Variants in NUCB2 observed in about 807,000 individuals in gnomAD.
NUCB2 encodes nucleobindin-2.
Under a neutral mutation model 57.9 loss-of-function variants are expected in NUCB2, and 48 were observed. The ratio of observed to expected loss-of-function variants is 0.83; its 90% CI spans 0.66 to 1.05. The LOEUF (loss-of-function observed/expected upper bound fraction) is 1.05, where lower values mean the gene tolerates loss of function less well. Ranked by LOEUF, NUCB2 falls within the 50% of genes least tolerant of loss-of-function variation. The probability of loss-of-function intolerance (pLI) is 0.00; values close to 1 mark genes in which losing one functional copy is unlikely to be tolerated. For synonymous variants in NUCB2, 139 were observed against 152.1 expected, an observed-to-expected ratio of 0.91 and a Z score of 0.64; for missense variants, 442 against 476.2, an observed-to-expected ratio of 0.93 and a Z score of 0.67.
intron 2 of NUCB2, among the ~76,000 whole-genome samples, chr11:17,293,298 T>TAC (rs1016822701): frequency 2.7e-5 from 4 of 148,000 alleles, no homozygotes; most frequent in East Asian, 2.0e-4. Flanking sequence ...TGTTAGGACA[T>TAC]ACACACACAC....
chr11:17,287,405 C>G (rs1056171524), intron 2 of NUCB2, among the ~76,000 whole-genome samples: 2 of 152,004 alleles, frequency 1.3e-5, no homozygotes, highest in Non-Finnish European at 2.9e-5. Flanking sequence ...GGCGTGGTGG[C>G]TCACACCTGT....
At chr11:17,285,014 AATAC>A (rs10566571) in intron 2 of NUCB2, among the ~76,000 whole-genome samples, 77,117 of 151,152 alleles carry the variant, frequency 0.51, 20,396 homozygotes, top group East Asian at 0.8. Context: ...ACAAAGTCTC[AATAC>A]ATACATACAT....
chr11:17,281,657 C>T (rs1409394992), intron 1 of NUCB2, among the ~76,000 whole-genome samples: 1 of 152,078 alleles, frequency 6.6e-6, no homozygotes, highest in East Asian at 1.9e-4. Context: ...AAGTAGCTTG[C>T]GAGTAAATGG....
intron 11 of NUCB2, among the ~76,000 whole-genome samples, chr11:17,324,994 G>C (rs536005388): frequency 6.6e-6 from 1 of 152,122 alleles, no homozygotes; most frequent in East Asian, 1.9e-4. Context: ...AGTAGAGATG[G>C]GGTTTACCAT....
chr11:17,297,104 G>A (rs914918943), intron 4 of NUCB2, among the ~76,000 whole-genome samples: 3 of 152,112 alleles, frequency 2.0e-5, no homozygotes, highest in Non-Finnish European at 4.4e-5. Flanking sequence ...AAATGAATCA[G>A]TTTAGCTGGG....
At chr11:17,299,262 C>T (rs1946322736) in intron 4 of NUCB2, among the ~76,000 whole-genome samples, 1 of 152,026 alleles carries the variant, frequency 6.6e-6, no homozygotes. Flanking sequence ...TGTTTCCTAC[C>T]TTCGGGGTGT....
rs1211348753 is a variant in NUCB2 at position 17,332,039 on chromosome 11, TATAAC to T, written c.*622_*626del. On this transcript the variant is annotated 3_prime_UTR_variant, in exon 14 of 14. Coordinates refer to ENST00000529010, the MANE Select transcript of NUCB2 (RefSeq NM_005013.4). ...TCATTTAAGATTAGGTTATGTTACA[TATAAC>T]AGAAAAAACAAAGATAACAGTGGTT... 1 of 152,124 alleles carries T rather than the reference TATAAC, an allele frequency of 6.6e-6. No individual in the cohort carries two copies. The allele number at this position is 152,124 out of a possible 1,614,324, so 9.4% of individuals were successfully genotyped here. A position where few individuals can be genotyped will look rare whatever the true frequency, so the allele number is the denominator to read the frequency against.
chr11:17,324,185 A>G (rs1224913217), intron 11 of NUCB2, among the ~76,000 whole-genome samples: 1 of 152,096 alleles, frequency 6.6e-6, no homozygotes, highest in Non-Finnish European at 1.5e-5. Context: ...ATAGACAGTT[A>G]TAACTATAAT....
At chr11:17,288,950 C>CACACACACACACACAT (rs1944414979) in intron 2 of NUCB2, among the ~76,000 whole-genome samples, 3 of 33,162 alleles carry the variant, frequency 9.0e-5, no homozygotes, top group Non-Finnish European at 1.4e-4. Context: ...CACACACACA[C>CACACACACACACACAT]ATATATATAT....
intron 2 of NUCB2, among the ~76,000 whole-genome samples, chr11:17,347,459 T>G (rs574625317): frequency 6.6e-6 from 1 of 152,360 alleles, no homozygotes; most frequent in East Asian, 1.9e-4. Context: ...TCCAATTCTT[T>G]GTTTGACTGA....
chr11:17,312,073 G>A lies in NUCB2; in HGVS notation c.865G>A (p.Glu289Lys). Residue 289 changes from glutamate (E) to lysine (K), a missense_variant, in exon 10 of 14, where the codon GAA becomes AAA. By Grantham distance (56) the Glu-to-Lys change is moderately conservative. Transcript: ENST00000529010. The part of the protein sequence containing the change: ...DPKNEEDDMV[E>K]MEEERLRMRE... ...TAAAAATGAAGAGGATGATATGGTA[G>A]AAATGGAAGAAGAAAGGCTTAGAAT... 1.9e-6 allele frequency: 3 copies of A among 1,591,118 alleles called. No individual in the cohort carries two copies. In the South Asian group the frequency reaches 3.4e-5, roughly 18 times the overall value.
At chr11:17,277,729 A>T (rs1477604277) in intron 1 of NUCB2, among the ~76,000 whole-genome samples, 1 of 152,218 alleles carries the variant, frequency 6.6e-6, no homozygotes, top group Non-Finnish European at 1.5e-5. Flanking sequence ...TGGTTTAAAA[A>T]TAGGGGAGGT....
At chr11:17,316,016 A>G (rs965305416) in intron 11 of NUCB2, among the ~76,000 whole-genome samples, 33 of 152,180 alleles carry the variant, frequency 2.2e-4, no homozygotes, top group Non-Finnish European at 4.3e-4. Context: ...TCTGTTGCCC[A>G]GGCTGGAGTG....
chr11:17,297,680 C>T (rs1369103894), intron 4 of NUCB2, among the ~76,000 whole-genome samples: 3 of 152,122 alleles, frequency 2.0e-5, no homozygotes, highest in Non-Finnish European at 2.9e-5. Context: ...AATAAGCTTC[C>T]TGGATTGGTG....
intron 11 of NUCB2, among the ~76,000 whole-genome samples, chr11:17,324,836 C>T (rs1326990739): frequency 6.6e-6 from 1 of 151,892 alleles, no homozygotes; most frequent in Admixed American, 6.6e-5. Flanking sequence ...GAGCCTCACT[C>T]TGTTGCCCTG....
intron 2 of NUCB2, among the ~76,000 whole-genome samples, chr11:17,288,441 C>T (rs1329288757): frequency 6.6e-6 from 1 of 152,136 alleles, no homozygotes. Context: ...AGTCTTCTTA[C>T]CTCAGCTTCC....
chr11:17,333,685 C>T (rs1951586030), downstream of NUCB2: 1 of 152,112 alleles, frequency 6.6e-6, no homozygotes, highest in Non-Finnish European at 1.5e-5. Flanking sequence ...AGGATGGCTC[C>T]TATTATTTGG....
chr11:17,345,234 A>G (rs1020869657), intron 2 of NUCB2, among the ~76,000 whole-genome samples: 1 of 152,162 alleles, frequency 6.6e-6, no homozygotes, highest in African/African-American at 2.4e-5. Context: ...TTTTTTTTAA[A>G]TAAAGAAAAC....
chr11:17,332,466 G>T (rs1023112804), downstream of NUCB2: 1 of 150,666 alleles, frequency 6.6e-6, no homozygotes, highest in African/African-American at 2.4e-5. Context: ...AGCCAGCCTT[G>T]TTGGCTACCT....
Sources: allele counts gnomAD v4.1 joint callset (sites outside exome capture counted in the v4.1 genomes callset), GRCh38; gene constraint gnomAD v4.1.1; transcripts MANE v1.5; gene names NCBI Gene and HGNC (gene_info 2026-07-23, HGNC 2026-07-21).